Variants in CHAF1A observed in about 807,000 individuals in gnomAD.
CHAF1A encodes chromatin assembly factor 1 subunit A.
A neutral mutation model predicts 93.2 loss-of-function variants in CHAF1A; 5 were observed. The ratio of observed to expected loss-of-function variants is 0.05; its 90% CI spans 0.03 to 0.11. The LOEUF is 0.11. CHAF1A is among the 10% of genes least tolerant of loss of function. CHAF1A has a pLI of 1.00. For synonymous variants in CHAF1A, 504 were observed against 510.3 expected (o/e 0.99, Z 0.17); for missense variants, 1,102 against 1,259.9 (o/e 0.87, Z 1.90).
At chr19:4,429,087 T>A (rs1974135610) in intron 8 of CHAF1A, 197 bp downstream of exon 8, 1 of 598,938 alleles carries the variant, frequency 1.7e-6, no homozygotes, top group Non-Finnish European at 3.0e-6. Flanking sequence ...TTCCTCTCCC[T>A]GTCTTCCCAG....
At chr19:4,416,840 G>A (rs1486238990) in intron 3 of CHAF1A, among the ~76,000 whole-genome samples, 2 of 152,082 alleles carry the variant, frequency 1.3e-5, no homozygotes, top group African/African-American at 2.4e-5. Context: ...GCAGTGAGCC[G>A]AGATCGTGGC....
chr19:4,445,884 G>C, downstream of CHAF1A: 1 of 1,212,412 alleles, frequency 8.2e-7, no homozygotes, highest in Non-Finnish European at 1.1e-6. Context: ...GAACTTGCTC[G>C]AGGCCCTGCT....
rs1974232411 is a variant in CHAF1A at position 4,433,674 on chromosome 19, C to T, written c.2673+135C>T. ...GGAGTGCAGTGGCGCAATCTCAGCT[C>T]ACTGCAACCTCCTCCCTCCTGGGTT... On this transcript the variant is annotated intron_variant, in intron 13 of 14. Coordinates refer to ENST00000301280, the MANE Select transcript of CHAF1A (RefSeq NM_005483.3). This position sits in a 1 kb window ranked among gnomAD's most constrained non-coding sequence, Gnocchi z 5.6. The T allele has an allele frequency of 1.5e-6, 1 of 680,532 alleles. No homozygotes were observed. The highest frequency in any genetic ancestry group is 2.8e-5 in the East Asian group (1 of 36,124). 42.2% of individuals were successfully genotyped at this position (680,532 alleles called of 1,614,324 possible).
At chr19:4,411,891 C>G (rs555401755) in intron 3 of CHAF1A, among the ~76,000 whole-genome samples, 1 of 151,820 alleles carries the variant, frequency 6.6e-6, no homozygotes, top group African/African-American at 2.4e-5. Flanking sequence ...TCAGGTGATC[C>G]GCTTGCCTCG....
intron 7 of CHAF1A, among the ~76,000 whole-genome samples, chr19:4,425,939 A>G (rs1352837371): frequency 2.6e-5 from 4 of 152,052 alleles, no homozygotes; most frequent in Admixed American, 2.6e-4. Flanking sequence ...AAAAATTGAC[A>G]TTGTTTTACT....
At chr19:4,438,254 C>T (rs1285448717) in intron 13 of CHAF1A, among the ~76,000 whole-genome samples, 1 of 152,120 alleles carries the variant, frequency 6.6e-6, no homozygotes, top group African/African-American at 2.4e-5. Flanking sequence ...TCCACATGTT[C>T]TTATAAGTGA....
intron 13 of CHAF1A, among the ~76,000 whole-genome samples, chr19:4,437,770 C>T (rs1050206069): frequency 1.4e-5 from 2 of 141,030 alleles, no homozygotes; most frequent in African/African-American, 2.5e-5. Flanking sequence ...GACGGAGTCT[C>T]GCTCTGTCGC....
At chr19:4,439,456 C>T (rs1000236826) in intron 13 of CHAF1A, among the ~76,000 whole-genome samples, 7 of 152,122 alleles carry the variant, frequency 4.6e-5, no homozygotes, top group Non-Finnish European at 8.8e-5. Flanking sequence ...AGCAAGCTGC[C>T]GGCAGCTCAG....
chr19:4,429,910 G>T, intron 10 of CHAF1A, 122 bp downstream of exon 10: 9 of 843,714 alleles, frequency 1.1e-5, no homozygotes, highest in Non-Finnish European at 1.7e-5. Flanking sequence ...TGTTTGACCT[G>T]CTGTGTGGTC....
chr19:4,423,433 G>A (rs377517767), intron 6 of CHAF1A, 38 bp downstream of exon 6: 49 of 1,611,024 alleles, frequency 3.0e-5, no homozygotes, highest in African/African-American at 2.5e-4. Flanking sequence ...GTCCCAGCCC[G>A]TTGGAGAAGC....
At chr19:4,421,640 G>A (rs2145102952) in intron 4 of CHAF1A, among the ~76,000 whole-genome samples, 1 of 152,248 alleles carries the variant, frequency 6.6e-6, no homozygotes, top group East Asian at 1.9e-4. Context: ...GCTGGGTATA[G>A]TGGTGTGTGC....
intron 1 of CHAF1A, among the ~76,000 whole-genome samples, chr19:4,404,445 C>T (rs935334254): frequency 1.3e-5 from 2 of 152,248 alleles, no homozygotes; most frequent in South Asian, 2.1e-4. Context: ...AGTTAAGTGA[C>T]TAAAAATCAT....
intron 3 of CHAF1A, among the ~76,000 whole-genome samples, chr19:4,417,564 G>A (rs911295223): frequency 2.0e-5 from 3 of 149,208 alleles, no homozygotes; most frequent in Non-Finnish European, 3.0e-5. Context: ...GGGTTCAAGC[G>A]ATTCTTCTGC....
Position 4,402,674 on chromosome 19 carries a change from G to T in CHAF1A, c.-89G>T, listed in dbSNP as rs989797810. On this transcript the variant is annotated 5_prime_UTR_variant, in exon 1 of 15. Coordinates refer to ENST00000301280, the MANE Select transcript of CHAF1A (RefSeq NM_005483.3). ...GCGCGGCGGCCGCGGCGGCAGCAGC[G>T]GCGCGGGCGGGAGGGCGAAGAGCAG... 3 of 884,144 alleles carry T rather than the reference G, an allele frequency of 3.4e-6. No individual in the cohort carries two copies. The African/African-American group carries it at 5.3e-5, about 16-fold the overall frequency. 54.8% of individuals were successfully genotyped at this position (884,144 alleles called of 1,614,324 possible).
downstream of CHAF1A, chr19:4,446,715 G>A (rs1300620227): frequency 6.2e-7 from 1 of 1,608,608 alleles, no homozygotes; most frequent in Non-Finnish European, 8.5e-7. Context: ...ACTCCTCGGG[G>A]TCCTCTACAG....
intron 3 of CHAF1A, among the ~76,000 whole-genome samples, chr19:4,415,856 A>G (rs913979626): frequency 1.3e-5 from 2 of 152,092 alleles, no homozygotes; most frequent in African/African-American, 4.8e-5. Flanking sequence ...GGTCCTAGTC[A>G]GGGGTTCAGC....
At chr19:4,413,051 A>G (rs1469621025) in intron 3 of CHAF1A, among the ~76,000 whole-genome samples, 1 of 152,120 alleles carries the variant, frequency 6.6e-6, no homozygotes, top group Non-Finnish European at 1.5e-5. Flanking sequence ...TGCTTGCTTC[A>G]TAGTTGGTAC....
At chr19:4,431,882 T>G in intron 11 of CHAF1A, 70 bp from the exon 12 acceptor site, 1 of 1,531,106 alleles carries the variant, frequency 6.5e-7, no homozygotes, top group Non-Finnish European at 8.8e-7. Flanking sequence ...TGGGGACTGG[T>G]TCCTCAAAAG....
At chr19:4,447,365 G>A (rs1974556275), downstream of CHAF1A, 1 of 624,104 alleles carries the variant, frequency 1.6e-6, no homozygotes, top group South Asian at 1.8e-5. Flanking sequence ...GGTGACCGGT[G>A]CATAAAAGTC....
Sources: allele counts gnomAD v4.1 joint callset (sites outside exome capture counted in the v4.1 genomes callset), GRCh38; gene constraint gnomAD v4.1.1; non-coding constraint Gnocchi (gnomAD v3.1); transcripts MANE v1.5; gene names NCBI Gene and HGNC (gene_info 2026-07-23, HGNC 2026-07-21).